LCORL: variants seen among roughly 807,000 people sequenced by gnomAD.
LCORL encodes the protein ligand dependent nuclear receptor corepressor like, also known as ligand-dependent nuclear receptor corepressor-like protein.
LCORL carries 41 observed loss-of-function variants against 141.8 expected under a neutral mutation model. The ratio of observed to expected loss-of-function variants is 0.29; its 90% CI spans 0.23 to 0.38. The LOEUF is 0.38. Ranked by LOEUF, LCORL falls within the 10% of genes least tolerant of loss-of-function variation. The pLI, the probability that LCORL is intolerant of heterozygous loss-of-function variation, is 1.00. For synonymous variants in LCORL, 618 were observed against 694.1 expected (o/e 0.89, Z 1.72); for missense variants, 1,759 against 2,035.0 (o/e 0.86, Z 2.61).
At chr4:17,855,631 C>T (rs1224361035) in intron 7 of LCORL, among the ~76,000 whole-genome samples, 3 of 152,176 alleles carry the variant, frequency 2.0e-5, no homozygotes, top group African/African-American at 7.2e-5. Context: ...CTCTGGCCAA[C>T]AGGATCTTAG....
intron 7 of LCORL, among the ~76,000 whole-genome samples, chr4:17,867,819 C>G (rs1271308855): frequency 6.6e-6 from 1 of 151,980 alleles, no homozygotes; most frequent in East Asian, 1.9e-4. Flanking sequence ...ATAAAATATT[C>G]AAGAAAAATT....
chr4:17,914,593 T>C (rs1560334165), intron 4 of LCORL, among the ~76,000 whole-genome samples: 1 of 152,238 alleles, frequency 6.6e-6, no homozygotes, highest in Non-Finnish European at 1.5e-5. Context: ...TCTCAGCTGC[T>C]GACTGGTTAG....
intron 7 of LCORL, among the ~76,000 whole-genome samples, chr4:17,848,040 C>T (rs1723141447): frequency 6.6e-6 from 1 of 152,090 alleles, no homozygotes; most frequent in Non-Finnish European, 1.5e-5. Context: ...CTTTAATAAA[C>T]TACATGATTT....
At chr4:17,995,709 T>C (rs1720807736) in intron 1 of LCORL, among the ~76,000 whole-genome samples, 1 of 152,282 alleles carries the variant, frequency 6.6e-6, no homozygotes, top group South Asian at 2.1e-4. Flanking sequence ...TCTATTTAAA[T>C]GCTTCTTAGT....
chr4:17,893,677 TA>T (rs1470799851), intron 5 of LCORL: 1 of 719,068 alleles, frequency 1.4e-6, no homozygotes, highest in East Asian at 1.3e-4. Context: ...TTCTAATGCA[TA>T]ATTTGCATTG....
chr4:17,962,905 T>C, intron 3 of LCORL, 65 bp downstream of exon 3: 1 of 774,154 alleles, frequency 1.3e-6, no homozygotes, highest in African/African-American at 1.8e-5. Flanking sequence ...CAAATTAAGA[T>C]AAAAAAAAAA....
At chr4:17,902,991 T>C (rs1731103445) in intron 5 of LCORL, among the ~76,000 whole-genome samples, 1 of 152,062 alleles carries the variant, frequency 6.6e-6, no homozygotes, top group Non-Finnish European at 1.5e-5. Context: ...ACATGGCATT[T>C]TAAAAAGTAT....
At chr4:17,894,384 C>G (rs749798533) in intron 5 of LCORL, among the ~76,000 whole-genome samples, 2 of 152,050 alleles carry the variant, frequency 1.3e-5, no homozygotes, top group Admixed American at 6.6e-5. Context: ...TTCACAATTC[C>G]TTTTTACTCT....
chr4:17,925,707 T>G (rs1735013896), intron 4 of LCORL, among the ~76,000 whole-genome samples: 1 of 151,716 alleles, frequency 6.6e-6, no homozygotes, highest in Admixed American at 6.6e-5. Flanking sequence ...CCGTCTCTAC[T>G]AAAAATACAA....
At chr4:17,890,366 A>G (rs1303414809) in intron 5 of LCORL, among the ~76,000 whole-genome samples, 1 of 152,134 alleles carries the variant, frequency 6.6e-6, no homozygotes, top group Non-Finnish European at 1.5e-5. Flanking sequence ...TATTTTGTTT[A>G]CAGATACATA....
At chr4:17,961,936 C>G in exon 4 of LCORL, 1 of 1,610,526 alleles carries the variant, frequency 6.2e-7, no homozygotes, top group Non-Finnish European at 8.5e-7. Flanking sequence ...AGGTAATTTT[C>G]TGCTTGGCAT....
intron 5 of LCORL, among the ~76,000 whole-genome samples, chr4:17,908,810 A>T (rs1051300667): frequency 1.3e-5 from 2 of 152,128 alleles, no homozygotes; most frequent in African/African-American, 4.8e-5. Flanking sequence ...TTCTTATAAA[A>T]ATCTATTTAT....
chr4:17,869,300 G>A (rs1399584745), intron 7 of LCORL, among the ~76,000 whole-genome samples: 1 of 151,842 alleles, frequency 6.6e-6, no homozygotes, highest in African/African-American at 2.4e-5. Context: ...TCCATTCATG[G>A]TCAATTATAG....
chr4:17,931,259 T>G (rs1735996996), intron 4 of LCORL, among the ~76,000 whole-genome samples: 1 of 152,122 alleles, frequency 6.6e-6, no homozygotes, highest in Non-Finnish European at 1.5e-5. Flanking sequence ...TTGTTGACTT[T>G]TTCAAAGAAT....
chr4:17,909,484 T>C, intron 4 of LCORL, 139 bp from the exon 5 acceptor site: 1 of 529,586 alleles, frequency 1.9e-6, no homozygotes, highest in Non-Finnish European at 3.1e-6. Context: ...TTCTGGGAAT[T>C]AGCAATAAAA....
In LCORL at chr4:17,926,144, T is replaced by G. The variant is rs964446490; in HGVS notation, c.431-16799A>C. Among the ~76,000 whole-genome samples, 7 of 152,274 alleles carry G rather than the reference T, an allele frequency of 4.6e-5. No individual in the cohort carries two copies. In the East Asian group the frequency reaches 1.4e-3, roughly 29 times the overall value. Reference sequence around the variant, plus strand: ...TATTATGTGTGATTTCAGATGTGTATGGGCTCAAGTTGACAAGGGATGGAC... The same window carrying G: ...TATTATGTGTGATTTCAGATGTGTAGGGGCTCAAGTTGACAAGGGATGGAC... On this transcript the variant is annotated intron_variant, in intron 4 of 7. Transcript: ENST00000635767.
intron 1 of LCORL, among the ~76,000 whole-genome samples, chr4:17,975,541 C>T (rs912628697): frequency 1.3e-5 from 2 of 152,020 alleles, no homozygotes; most frequent in Non-Finnish European, 2.9e-5. Context: ...GGACTAAAGG[C>T]ACATGCCATC....
chr4:18,004,538 C>T (rs1391925533), intron 1 of LCORL, among the ~76,000 whole-genome samples: 1 of 152,118 alleles, frequency 6.6e-6, no homozygotes, highest in East Asian at 1.9e-4. Flanking sequence ...ATCCAATCAC[C>T]TCCCACCAGG....
chr4:17,917,088 C>T (rs1264477814), intron 4 of LCORL, among the ~76,000 whole-genome samples: 1 of 151,938 alleles, frequency 6.6e-6, no homozygotes, highest in Non-Finnish European at 1.5e-5. Context: ...GATTCTCCTG[C>T]CTCAGCCTCC....
Sources: gnomAD v4.1 joint callset for allele counts (sites outside exome capture counted in the v4.1 genomes callset) on GRCh38, gnomAD v4.1.1 for gene constraint, MANE v1.5 for transcripts, NCBI Gene and HGNC (gene_info 2026-07-23, HGNC 2026-07-21) for gene names.